The following ZNF273 variants were observed in gnomAD, a reference collection of about 807,000 sequenced individuals.
ZNF273 encodes zinc finger protein 9.
Under a neutral mutation model 14.9 loss-of-function variants are expected in ZNF273, and 11 were observed. The ratio of observed to expected loss-of-function variants is 0.74; its 90% CI spans 0.46 to 1.22. ZNF273 has a LOEUF of 1.22. Among genes scored for constraint, ZNF273 ranks in the 50% most tolerant of loss-of-function variants. ZNF273 has a pLI of 0.00. For synonymous variants in ZNF273, 199 were observed against 223.9 expected (o/e 0.89, Z 0.99); for missense variants, 577 against 660.6 (o/e 0.87, Z 1.39).
intron 1 of ZNF273, among the ~76,000 whole-genome samples, chr7:64,912,996 T>C (rs1793683692): frequency 1.3e-5 from 2 of 151,694 alleles, no homozygotes; most frequent in East Asian, 1.9e-4. Flanking sequence ...GTCCAGCTAA[T>C]ATTTGTATTT....
chr7:64,911,005 A>T (rs923851615), intron 1 of ZNF273, among the ~76,000 whole-genome samples: 1 of 151,888 alleles, frequency 6.6e-6, no homozygotes, highest in South Asian at 2.1e-4. Context: ...ACCCCAGGTG[A>T]TCCACCCACC....
In ZNF273 at chr7:64,930,328, T is replaced by A. The variant is rs1794961684; in HGVS notation, c.*1290T>A. ...GAAAGATGCATGATGAAAATCTAAGTAGAGAGGCTCTTGTGGTTAACTGAT... is the reference window on the plus strand; with the variant it reads ...GAAAGATGCATGATGAAAATCTAAGAAGAGAGGCTCTTGTGGTTAACTGAT... On this transcript the variant is annotated 3_prime_UTR_variant, in exon 4 of 4. Transcript: ENST00000476120. 6.6e-6 allele frequency: 1 copy of A among 152,212 alleles called. No individual in the cohort carries two copies. Among genetic ancestry groups the A allele is most frequent in the African/African-American group, 2.4e-5 (1 of 41,460 alleles). 9.4% of individuals were successfully genotyped at this position (152,212 alleles called of 1,614,324 possible).
intron 1 of ZNF273, among the ~76,000 whole-genome samples, chr7:64,910,682 G>T: frequency 6.9e-6 from 1 of 144,356 alleles, no homozygotes; most frequent in Admixed American, 6.9e-5. Flanking sequence ...GTTTGTTTTT[G>T]TTTCATATGA....
chr7:64,881,799 G>C (rs954484707), downstream of ZNF273, among the ~76,000 whole-genome samples: 1 of 152,200 alleles, frequency 6.6e-6, no homozygotes, highest in South Asian at 2.1e-4. Context: ...AAGGATCCGT[G>C]AGCTTGACTT....
At chr7:64,908,861 A>G (rs1793291702) in intron 1 of ZNF273, among the ~76,000 whole-genome samples, 1 of 152,160 alleles carries the variant, frequency 6.6e-6, no homozygotes. Flanking sequence ...TTATTTTTTT[A>G]GGGCCACACA....
chr7:64,935,954 AC>A (rs1795055935), downstream of ZNF273, among the ~76,000 whole-genome samples: 1 of 152,226 alleles, frequency 6.6e-6, no homozygotes, highest in Non-Finnish European at 1.5e-5. Flanking sequence ...TGACCAGATT[AC>A]TAAAAAGAAG....
chr7:64,891,411 G>A (rs900896207), downstream of ZNF273, among the ~76,000 whole-genome samples: 4 of 152,196 alleles, frequency 2.6e-5, no homozygotes, highest in Admixed American at 2.0e-4. Context: ...GACCCAGACA[G>A]GCACAGCACA....
At chr7:64,900,523 G>T (rs575228236), upstream of ZNF273, among the ~76,000 whole-genome samples, 2 of 152,176 alleles carry the variant, frequency 1.3e-5, no homozygotes, top group Non-Finnish European at 2.9e-5. Context: ...CAAACCGGAA[G>T]CTTGCACTAG....
chr7:64,904,360 G>C (rs577570530), intron 1 of ZNF273, among the ~76,000 whole-genome samples: 28 of 152,320 alleles, frequency 1.8e-4, no homozygotes, highest in East Asian at 3.9e-4. Context: ...AAAGTGCTAG[G>C]ACTACAGGCG....
At chr7:64,903,618 C>T (rs751856713) in intron 1 of ZNF273, among the ~76,000 whole-genome samples, 199 bp downstream of exon 1, 1 of 152,224 alleles carries the variant, frequency 6.6e-6, no homozygotes, top group Non-Finnish European at 1.5e-5. Context: ...TCCCGGGCGT[C>T]CTGTCTCCTC....
rs189072265 is a variant in ZNF273, at chr7:64,928,131, G to T, written c.803G>T (p.Gly268Val). 1.9e-6 allele frequency: 3 copies of T among 1,613,398 alleles called. No individual in the cohort carries two copies. The highest frequency in any genetic ancestry group is 1.7e-6 in the Non-Finnish European group (2 of 1,179,612). The change falls in exon 4 of 4, where the codon GGC becomes GTC. Residue 268 changes from glycine to valine, a missense_variant. Physicochemically the swap from Gly to Val is moderately radical, Grantham distance 109 (BLOSUM62 -3). Coordinates refer to ENST00000476120, the MANE Select transcript of ZNF273 (RefSeq NM_021148.3). ...EVNPYKCEEC[G>V]KAFNQSLTLT... Reference sequence around the variant, plus strand: ...AATCCCTACAAATGTGAAGAATGTGGCAAAGCCTTTAACCAGTCCTTAACT... The same window carrying T: ...AATCCCTACAAATGTGAAGAATGTGTCAAAGCCTTTAACCAGTCCTTAACT...
chr7:64,883,439 G>A (rs1013864115), downstream of ZNF273, among the ~76,000 whole-genome samples: 1 of 152,158 alleles, frequency 6.6e-6, no homozygotes, highest in Non-Finnish European at 1.5e-5. Context: ...TTTCATTCCG[G>A]TAATGGATAG....
rs549269235 is a variant in ZNF273 at position 64,903,290 on chromosome 7, C to G, written c.-28C>G. The G allele has an allele frequency of 2.2e-5, 34 of 1,572,518 alleles. No individual in the cohort carries two copies. The highest frequency in any genetic ancestry group is 2.6e-5 in the Non-Finnish European group (30 of 1,145,170). ...GGGCCTTTGTCTCTCGCTGCAGTCG[C>G]AGCTCCAGGTCTCGTCTTCACTGCT... On this transcript the variant is annotated 5_prime_UTR_variant, in exon 1 of 4. Transcript: ENST00000476120.
chr7:64,910,035 G>T (rs1473424225), intron 1 of ZNF273, among the ~76,000 whole-genome samples: 1 of 151,226 alleles, frequency 6.6e-6, no homozygotes, highest in Non-Finnish European at 1.5e-5. Flanking sequence ...TTTTTTTCTG[G>T]CAAACTTGCT....
chr7:64,920,491 C>T (rs9638210), intron 3 of ZNF273, among the ~76,000 whole-genome samples: 7,942 of 136,686 alleles, frequency 0.058, 612 homozygotes, highest in African/African-American at 0.19. Context: ...GGTCTGTCCG[C>T]ATGGCTATAA....
At chr7:64,912,831 T>G (rs202194653) in intron 1 of ZNF273, among the ~76,000 whole-genome samples, 2 of 86,620 alleles carry the variant, frequency 2.3e-5, no homozygotes, top group Non-Finnish European at 5.2e-5. Flanking sequence ...TTTTAGTTTT[T>G]TTTTTTTTTT....
downstream of ZNF273, chr7:64,930,988 T>C (rs977232001): frequency 6.6e-6 from 1 of 152,178 alleles, no homozygotes; most frequent in African/African-American, 2.4e-5. Flanking sequence ...TGAATATTTT[T>C]AAAAATTTGT....
chr7:64,881,186 C>T (rs960741752), downstream of ZNF273, among the ~76,000 whole-genome samples: 1 of 152,216 alleles, frequency 6.6e-6, no homozygotes, highest in African/African-American at 2.4e-5. Context: ...GCCATTCTGG[C>T]CAGCTCCCGA....
chr7:64,907,827 A>G (rs1026127023), intron 1 of ZNF273, among the ~76,000 whole-genome samples: 2 of 152,148 alleles, frequency 1.3e-5, no homozygotes, highest in South Asian at 2.1e-4. Context: ...CTGTGATTCC[A>G]TGTCTCCTCC....
Sources: allele counts gnomAD v4.1 joint callset (sites outside exome capture counted in the v4.1 genomes callset), GRCh38; gene constraint gnomAD v4.1.1; transcripts MANE v1.5; gene names NCBI Gene and HGNC (gene_info 2026-07-23, HGNC 2026-07-21).